Variants in DHRS3 observed in about 807,000 individuals in gnomAD.
The protein encoded by DHRS3 is short-chain dehydrogenase/reductase 3.
In DHRS3, 14 loss-of-function variants were observed where a neutral mutation model predicts 27.2. The observed-to-expected ratio is 0.52, with a 90% confidence interval of 0.34 to 0.81. The LOEUF is 0.81. DHRS3 is among the 30% of genes least tolerant of loss of function. The pLI is 0.01. For missense variants in DHRS3, 322 were observed against 406.2 expected (o/e 0.79, Z 1.78); for synonymous variants, 165 against 175.9 (o/e 0.94, Z 0.49).
In DHRS3 at chr1:12,580,547, C is replaced by T; in HGVS notation, c.315G>A (p.Gln105=). 2 of 1,614,208 alleles carry T rather than the reference C, an allele frequency of 1.2e-6. No individual in the cohort carries two copies. The highest frequency in any genetic ancestry group is 8.5e-7 in the Non-Finnish European group (1 of 1,180,046). ...CDVGNREEVY[Q]TAKAVREKVG... Reference sequence around the variant, plus strand: ...CCTTCTCCCGGACGGCCTTGGCCGTCTGGTACACCTCCTCCCGGTTGCCCA... The same window carrying T: ...CCTTCTCCCGGACGGCCTTGGCCGTTTGGTACACCTCCTCCCGGTTGCCCA... Residue 105 remains glutamine, a synonymous_variant, in exon 2 of 6, where the codon CAG becomes CAA. Coordinates refer to ENST00000616661, the MANE Select transcript of DHRS3 (RefSeq NM_004753.7).
intron 1 of DHRS3, chr1:12,616,444 C>T: frequency 1.7e-6 from 1 of 599,754 alleles, no homozygotes; most frequent in Non-Finnish European, 2.1e-6. Flanking sequence ...GTGGGCAGGA[C>T]CCTCCTTGCA....
chr1:12,584,108 C>T (rs1470444713), intron 1 of DHRS3, among the ~76,000 whole-genome samples: 2 of 152,092 alleles, frequency 1.3e-5, no homozygotes, highest in South Asian at 2.1e-4. Context: ...CTTGCACAGT[C>T]CCCTGGGGTC....
intron 1 of DHRS3, among the ~76,000 whole-genome samples, chr1:12,614,129 G>A (rs546595585): frequency 6.6e-6 from 1 of 152,106 alleles, no homozygotes; most frequent in Non-Finnish European, 1.5e-5. Context: ...ACCTCCCAAG[G>A]TTTGCAATCA....
intron 5 of DHRS3, among the ~76,000 whole-genome samples, chr1:12,569,231 T>TCACA (rs57427000): frequency 0.021 from 2,359 of 110,546 alleles, 52 homozygotes; most frequent in African/African-American, 0.06. Context: ...TCTCTCTCTC[T>TCACA]CACACACACA....
rs1030924452 is a variant in DHRS3 at position 12,592,988 on chromosome 1, G to A, written c.196-12322C>T. Among the ~76,000 whole-genome samples the A allele has an allele frequency of 8.5e-5, 13 of 152,088 alleles. No individual in the cohort carries two copies. The highest frequency in any genetic ancestry group is 3.1e-4 in the African/African-American group (13 of 41,414). ...CGGCGCCTTGGGGCCCTGCCTCAGCGCCCTTCACCTGGAGCACAAGTGGAC... is the reference window on the plus strand; with the variant it reads ...CGGCGCCTTGGGGCCCTGCCTCAGCACCCTTCACCTGGAGCACAAGTGGAC... On this transcript the variant is annotated intron_variant, in intron 1 of 5. Coordinates refer to ENST00000616661, the MANE Select transcript of DHRS3 (RefSeq NM_004753.7). The surrounding 1 kb of genome is among the most constrained non-coding windows in gnomAD (Gnocchi z 4.2).
At chr1:12,595,695 C>G (rs1489646323) in intron 1 of DHRS3, among the ~76,000 whole-genome samples, 5 of 133,542 alleles carry the variant, frequency 3.7e-5, no homozygotes, top group East Asian at 2.1e-4. Flanking sequence ...GAAGGAAGGC[C>G]GAGGTGCGGT....
chr1:12,596,667 G>A (rs1646800144), intron 1 of DHRS3, among the ~76,000 whole-genome samples: 1 of 152,216 alleles, frequency 6.6e-6, no homozygotes, highest in Non-Finnish European at 1.5e-5. Context: ...CTGCTCTGGA[G>A]TTGATTTGCT....
Position 12,568,241 on chromosome 1 carries a change from A to C in DHRS3, c.*99T>G, listed in dbSNP as rs1646501667. Reference sequence around the variant, plus strand: ...GCTGGGGACAGGAGCTGTCCTGCTCACCCAGCAGAAGCATGCCAATGGACA... The same window carrying C: ...GCTGGGGACAGGAGCTGTCCTGCTCCCCCAGCAGAAGCATGCCAATGGACA... On this transcript the variant is annotated 3_prime_UTR_variant, in exon 6 of 6. Transcript: ENST00000616661. 1 of 1,157,220 alleles carries C rather than the reference A, an allele frequency of 8.6e-7. No homozygotes were observed. The allele number at this position is 1,157,220 out of a possible 1,614,324, so 71.7% of individuals were successfully genotyped here.
chr1:12,602,461 G>A (rs74750488), intron 1 of DHRS3, among the ~76,000 whole-genome samples: 3,946 of 151,620 alleles, frequency 0.026, 153 homozygotes, highest in African/African-American at 0.081. Context: ...TGTGGCAGGG[G>A]CACAACTCTC....
At chr1:12,580,164 G>C (rs986642075) in intron 2 of DHRS3, 2 of 351,430 alleles carry the variant, frequency 5.7e-6, no homozygotes, top group African/African-American at 4.2e-5. Flanking sequence ...GTGCCAGACA[G>C]TCAGGGTGGG....
rs902328381 is a variant in DHRS3 at position 12,586,213 on chromosome 1, C to T, written c.196-5547G>A. ...CTCTGCGCTGAAGGCTGTCATTATCCGTGGTCACAGTGGAGAAAACCGTAG... is the reference window on the plus strand; with the variant it reads ...CTCTGCGCTGAAGGCTGTCATTATCTGTGGTCACAGTGGAGAAAACCGTAG... On this transcript the variant is annotated intron_variant, in intron 1 of 5. Coordinates refer to ENST00000616661, the MANE Select transcript of DHRS3 (RefSeq NM_004753.7). This position sits in a 1 kb window ranked among gnomAD's most constrained non-coding sequence, Gnocchi z 5.0. 1.3e-5 allele frequency among the ~76,000 whole-genome samples: 2 copies of T among 152,222 alleles called. No homozygotes were observed. The highest frequency in any genetic ancestry group is 2.9e-5 in the Non-Finnish European group (2 of 68,038).
chr1:12,592,731 T>C lies in DHRS3; in HGVS notation c.196-12065A>G, dbSNP rs895230652. 2.4e-4 allele frequency among the ~76,000 whole-genome samples: 37 copies of C among 152,174 alleles called. No individual in the cohort carries two copies. Among genetic ancestry groups the C allele is most frequent in the African/African-American group, 7.7e-4 (32 of 41,438 alleles). ...AATGGGCTCCATTATCCTCATTCAATAGAGGAGGCCAAGCGAGGCCCAGCC... is the reference window on the plus strand; with the variant it reads ...AATGGGCTCCATTATCCTCATTCAACAGAGGAGGCCAAGCGAGGCCCAGCC... On this transcript the variant is annotated intron_variant, in intron 1 of 5. Transcript: ENST00000616661. This position sits in a 1 kb window ranked among gnomAD's most constrained non-coding sequence, Gnocchi z 4.2.
At position 12,617,336 on chromosome 1, in the gene DHRS3, G is replaced by C; in HGVS notation, c.13C>G (p.Arg5Gly). 6.2e-7 allele frequency: 1 copy of C among 1,600,496 alleles called. No homozygotes were observed. Among genetic ancestry groups the C allele is most frequent in the East Asian group, 2.3e-5 (1 of 44,290 alleles). The change falls in exon 1 of 6, where the codon CGG (arginine) becomes GGG (glycine). Residue 5 changes from arginine to glycine, a missense_variant. Physicochemically the swap from Arg to Gly is moderately radical, Grantham distance 125. Coordinates refer to ENST00000616661, the MANE Select transcript of DHRS3 (RefSeq NM_004753.7). Reference sequence around the variant, plus strand: ...GGGAACATCACCAGCGCGCCCAGCCGTTTCCACACCATCCTCCGCGCCGCG... The same window carrying C: ...GGGAACATCACCAGCGCGCCCAGCCCTTTCCACACCATCCTCCGCGCCGCG... Reference protein sequence around the residue: MVWKRLGALVMFPLQ... With the variant: MVWKGLGALVMFPLQ...
intron 1 of DHRS3, among the ~76,000 whole-genome samples, chr1:12,609,018 G>C (rs142666360): frequency 4.6e-5 from 7 of 152,194 alleles, no homozygotes; most frequent in African/African-American, 1.7e-4. Context: ...CCCAGAAGTC[G>C]TTTGACAAAG....
chr1:12,572,379 C>A (rs575784294), intron 5 of DHRS3, among the ~76,000 whole-genome samples: 1 of 152,110 alleles, frequency 6.6e-6, no homozygotes, highest in Non-Finnish European at 1.5e-5. Context: ...GCCATTTTAG[C>A]CAGGATGGTC....
intron 1 of DHRS3, among the ~76,000 whole-genome samples, chr1:12,580,923 A>T (rs1646638812): frequency 6.6e-6 from 1 of 152,122 alleles, no homozygotes; most frequent in African/African-American, 2.4e-5. Flanking sequence ...CCTGGGCTCA[A>T]GAGATCCTCC....
chr1:12,607,385 T>G (rs1484309365), intron 1 of DHRS3, among the ~76,000 whole-genome samples: 1 of 152,188 alleles, frequency 6.6e-6, no homozygotes, highest in Non-Finnish European at 1.5e-5. Flanking sequence ...TGGCCGTAAT[T>G]GGATCATGGG....
chr1:12,600,660 C>A (rs2100707388), intron 1 of DHRS3, among the ~76,000 whole-genome samples: 1 of 152,300 alleles, frequency 6.6e-6, no homozygotes, highest in African/African-American at 2.4e-5. Context: ...GGAAGACCCC[C>A]CTCACCAACC....
At chr1:12,602,807 A>G (rs934785488) in intron 1 of DHRS3, among the ~76,000 whole-genome samples, 5 of 152,236 alleles carry the variant, frequency 3.3e-5, no homozygotes, top group Admixed American at 3.3e-4. Context: ...AATCTACAGC[A>G]TTAGGCACTG....
Sources: allele counts gnomAD v4.1 joint callset (sites outside exome capture counted in the v4.1 genomes callset), GRCh38; gene constraint gnomAD v4.1.1; non-coding constraint Gnocchi (gnomAD v3.1); transcripts MANE v1.5; gene names NCBI Gene and HGNC (gene_info 2026-07-23, HGNC 2026-07-21).